Variants in ACACB observed in about 807,000 individuals in gnomAD.
ACACB encodes acetyl-CoA carboxylase 2.
Under a neutral mutation model 278.8 loss-of-function variants are expected in ACACB, and 209 were observed. The ratio of observed to expected loss-of-function variants is 0.75; its 90% CI spans 0.67 to 0.84. The LOEUF (loss-of-function observed/expected upper bound fraction) is 0.84. Among genes scored for constraint, ACACB ranks in the 40% least tolerant of loss-of-function variants. ACACB has a pLI of 0.00. For missense variants in ACACB, 2,850 were observed against 3,269.0 expected, an observed-to-expected ratio of 0.87 and a Z score of 3.13; for synonymous variants, 1,174 against 1,285.6, an observed-to-expected ratio of 0.91 and a Z score of 1.86.
At chr12:109,206,566 G>A in intron 19 of ACACB, 144 bp from the exon 20 acceptor site, 1 of 1,051,306 alleles carries the variant, frequency 9.5e-7, no homozygotes, top group East Asian at 2.4e-5. Context: ...TAACTTTCCA[G>A]TTCATTGTCT....
intron 20 of ACACB, among the ~76,000 whole-genome samples, chr12:109,207,969 C>T (rs903456617): frequency 7.9e-5 from 12 of 152,086 alleles, no homozygotes; most frequent in African/African-American, 1.7e-4. Context: ...CGTGAGCCAC[C>T]GTGCCCGCTG....
In ACACB at chr12:109,209,252, G is replaced by C. The variant is rs1229815938; in HGVS notation, c.3148G>C (p.Ala1050Pro). 13 of 1,611,548 alleles carry C rather than the reference G, an allele frequency of 8.1e-6. No individual in the cohort carries two copies. Among genetic ancestry groups the C allele is most frequent in the Non-Finnish European group, 1.1e-5 (13 of 1,179,654 alleles). The change falls in exon 21 of 53, where the codon GCA becomes CCA. Residue 1050 changes from alanine to proline, a missense_variant. Physicochemically the swap from Ala to Pro is conservative, Grantham distance 27. Around this residue, in one of 3 missense-constraint regions of ACACB, gnomAD observed 2,265 missense variants for 2,561.3 expected, o/e 0.88. Transcript: ENST00000338432. ...GCTGCAGGAGATCATGACCAGCGTG[G>C]CAGGCCGCATCCCCGCCCCTGTGGA... ...LELQEIMTSVAGRIPAPVEKS... is the reference protein window; with the variant it reads ...LELQEIMTSVPGRIPAPVEKS...
At chr12:109,167,047 C>T in intron 3 of ACACB, 54 bp downstream of exon 3, 3 of 1,608,930 alleles carry the variant, frequency 1.9e-6, no homozygotes, top group South Asian at 2.2e-5. Flanking sequence ...GCAGGGGCCC[C>T]TCCTCTCAGC....
chr12:109,129,795 TAG>T (rs1294471550), intron 1 of ACACB, among the ~76,000 whole-genome samples: 8 of 152,194 alleles, frequency 5.3e-5, no homozygotes, highest in African/African-American at 1.9e-4. Context: ...GGCCGATCCT[TAG>T]AGAGTGGCTC....
chr12:109,263,866 G>T, intron 49 of ACACB: 2 of 170,400 alleles, frequency 1.2e-5, no homozygotes, highest in Non-Finnish European at 2.5e-5. Context: ...AAAAATCATT[G>T]ATATAGTATC....
chr12:109,205,321 T>C (rs1319802829), intron 19 of ACACB, among the ~76,000 whole-genome samples: 2 of 152,192 alleles, frequency 1.3e-5, no homozygotes, highest in Non-Finnish European at 2.9e-5. Flanking sequence ...ACATAAATGC[T>C]TGTGAGACAG....
chr12:109,209,268 C>T lies in ACACB; in HGVS notation c.3164C>T (p.Ala1055Val), dbSNP rs61934316. 2 of 1,612,450 alleles carry T rather than the reference C, an allele frequency of 1.2e-6. No homozygotes were observed. The highest frequency in any genetic ancestry group is 3.3e-5 in the Admixed American group (2 of 59,938). The stretch of plus-strand genomic sequence containing the variant: ...ACCAGCGTGGCAGGCCGCATCCCCG[C>T]CCCTGTGGAGAAGTCTGTCCGCAGG... ...IMTSVAGRIP[A>V]PVEKSVRRVM... is the part of the protein sequence containing the mutation. The change falls in exon 21 of 53, where the codon GCC becomes GTC. Residue 1055 changes from alanine to valine, a missense_variant. By Grantham distance (64) the Ala-to-Val change is moderately conservative. Transcript: ENST00000338432.
intron 15 of ACACB, among the ~76,000 whole-genome samples, chr12:109,192,791 A>T (rs1173264251): frequency 6.6e-6 from 1 of 151,802 alleles, no homozygotes; most frequent in African/African-American, 2.4e-5. Context: ...CCTCCCAAGT[A>T]GTTGGGACCA....
At position 109,179,940 on chromosome 12, in the gene ACACB, C is replaced by A; in HGVS notation, c.1671C>A (p.Thr557=). The A allele has an allele frequency of 6.2e-7, 1 of 1,610,496 alleles. No individual in the cohort carries two copies. The highest frequency in any genetic ancestry group is 8.5e-7 in the Non-Finnish European group (1 of 1,177,016). The part of the protein sequence containing the change: ...MEQCAIRLAK[T]VGYVSAGTVE... The stretch of plus-strand genomic sequence containing the variant: ...AGTGTGCCATCCGCCTGGCCAAGAC[C>A]GTGGGCTATGTGAGTGCAGGGACAG... The change falls in exon 11 of 53, where the codon ACC becomes ACA. Residue 557 remains threonine, a synonymous_variant. Coordinates refer to ENST00000338432, the MANE Select transcript of ACACB (RefSeq NM_001093.4).
chr12:109,215,580 G>A (rs1476321014), intron 22 of ACACB, among the ~76,000 whole-genome samples: 3 of 151,956 alleles, frequency 2.0e-5, no homozygotes, highest in Admixed American at 6.6e-5. Flanking sequence ...TGGCTAACAC[G>A]GTGAAACCCC....
chr12:109,134,001 C>A (rs2042909400), intron 1 of ACACB, among the ~76,000 whole-genome samples: 1 of 148,898 alleles, frequency 6.7e-6, no homozygotes, highest in Admixed American at 6.7e-5. Flanking sequence ...TCACTGTAGT[C>A]TTGATGTCCC....
chr12:109,232,067 G>A (rs1381941972), intron 28 of ACACB, among the ~76,000 whole-genome samples: 1 of 152,176 alleles, frequency 6.6e-6, no homozygotes, highest in African/African-American at 2.4e-5. Context: ...GAGCAGTGTG[G>A]GGCCTGCTGT....
At position 109,262,661 on chromosome 12, in the gene ACACB, G is replaced by A. The variant is rs113273414; in HGVS notation, c.6787+192G>A. ...TGTTTTTTTGAGGTCTGGCTCTATTGCCTAGGCTGGAGTGCAGGGTGCAAT... is the reference window on the plus strand; with the variant it reads ...TGTTTTTTTGAGGTCTGGCTCTATTACCTAGGCTGGAGTGCAGGGTGCAAT... On this transcript the variant is annotated intron_variant, in intron 49 of 52. Coordinates refer to ENST00000338432, the MANE Select transcript of ACACB (RefSeq NM_001093.4). Among the ~76,000 whole-genome samples, 352 of 151,978 alleles carry A rather than the reference G, an allele frequency of 2.3e-3. 2 individuals are homozygous for A. Among genetic ancestry groups the A allele is most frequent in the African/African-American group, 7.8e-3 (322 of 41,478 alleles).
At chr12:109,147,373 C>T (rs2043267263) in intron 2 of ACACB, among the ~76,000 whole-genome samples, 1 of 149,812 alleles carries the variant, frequency 6.7e-6, no homozygotes, top group Admixed American at 6.7e-5. Flanking sequence ...TACAGGCATG[C>T]ATCACCATGT....
intron 42 of ACACB, 150 bp from the exon 43 acceptor site, chr12:109,252,865 G>C: frequency 5.8e-6 from 4 of 690,972 alleles, no homozygotes; most frequent in Non-Finnish European, 8.8e-6. Flanking sequence ...GATATAATTG[G>C]TCTGGATGTA....
At chr12:109,126,279 G>A (rs775784853) in intron 1 of ACACB, among the ~76,000 whole-genome samples, 1 of 152,200 alleles carries the variant, frequency 6.6e-6, no homozygotes, top group Non-Finnish European at 1.5e-5. Flanking sequence ...TGCGGAACAT[G>A]TTTTCCATTG....
At chr12:109,205,004 C>T (rs1003774397) in intron 19 of ACACB, among the ~76,000 whole-genome samples, 2 of 152,040 alleles carry the variant, frequency 1.3e-5, no homozygotes, top group African/African-American at 4.8e-5. Flanking sequence ...CAGGTTTGTG[C>T]GACCATGCCT....
chr12:109,226,420 C>G (rs1180364471), intron 27 of ACACB, among the ~76,000 whole-genome samples: 1 of 152,136 alleles, frequency 6.6e-6, no homozygotes, highest in Non-Finnish European at 1.5e-5. Context: ...CAGAACGCGG[C>G]CAGGTACGGT....
Position 109,139,950 on chromosome 12 carries a change from G to C in ACACB, c.545G>C (p.Gly182Ala). The change falls in exon 2 of 53, where the codon GGC (glycine) becomes GCC (alanine). Residue 182 changes from glycine (G) to alanine (A), a missense_variant. Coordinates refer to ENST00000338432, the MANE Select transcript of ACACB (RefSeq NM_001093.4). ...TCCTCCGACGAGGACTCTGTTGCTG[G>C]CTCATCTCGTGAGTCTACCCGGAAG... ...DYSSDEDSVAGSSRESTRKGS... is the reference protein window; with the variant it reads ...DYSSDEDSVAASSRESTRKGS... 6 of 1,614,128 alleles carry C rather than the reference G, an allele frequency of 3.7e-6. No homozygotes were observed. Among genetic ancestry groups the C allele is most frequent in the Middle Eastern group, 1.6e-4 (1 of 6,062 alleles).
Sources: allele counts gnomAD v4.1 joint callset (sites outside exome capture counted in the v4.1 genomes callset), GRCh38; gene constraint gnomAD v4.1.1; regional missense constraint gnomAD v4.1.1; transcripts MANE v1.5; gene names NCBI Gene and HGNC (gene_info 2026-07-23, HGNC 2026-07-21).